C8A: variants seen among roughly 807,000 people sequenced by gnomAD.
C8A encodes complement component C8 alpha chain.
C8A carries 67 observed loss-of-function variants against 65.3 expected under a neutral mutation model. The observed-to-expected ratio is 1.03, with a 90% CI of 0.84 to 1.26. The LOEUF is 1.26. Among genes scored for constraint, C8A ranks in the 50% most tolerant of loss-of-function variants. C8A has a pLI of 0.00. For synonymous variants in C8A, 290 were observed against 259.4 expected (o/e 1.12, Z -1.13); for missense variants, 781 against 723.9 (o/e 1.08, Z -0.90).
chr1:56,882,524 TAGA>T lies in C8A; in HGVS notation c.654+897_654+899del, dbSNP rs139486565. 2.6e-3 allele frequency among the ~76,000 whole-genome samples: 395 copies of T among 152,220 alleles called. 2 individuals are homozygous for T. The highest frequency in any genetic ancestry group is 9.1e-3 in the African/African-American group (379 of 41,556). On this transcript the variant is annotated intron_variant, in intron 5 of 10. Transcript: ENST00000361249. The stretch of plus-strand genomic sequence containing the variant: ...AACTAAGTCCAGGCTGCACAACATT[TAGA>T]AGAAGAGATAGATTATACACTTTCT...
At chr1:56,904,069 C>G (rs1644445962) in intron 7 of C8A, among the ~76,000 whole-genome samples, 1 of 152,172 alleles carries the variant, frequency 6.6e-6, no homozygotes, top group Non-Finnish European at 1.5e-5. Context: ...ACACACCTAT[C>G]TGGGCAAGTT....
intron 8 of C8A, among the ~76,000 whole-genome samples, chr1:56,907,326 G>T (rs928739413): frequency 3.9e-5 from 6 of 152,160 alleles, no homozygotes; most frequent in Non-Finnish European, 5.9e-5. Flanking sequence ...CAGGGATGAT[G>T]AAGAAGTTTA....
chr1:56,854,928 G>A lies in C8A; in HGVS notation c.27G>A (p.Leu9=). 1 of 1,613,722 alleles carries A rather than the reference G, an allele frequency of 6.2e-7. No homozygotes were observed. The change falls in exon 1 of 11, where the codon TTG becomes TTA. Residue 9 remains leucine, a synonymous_variant. Coordinates refer to ENST00000361249, the MANE Select transcript of C8A (RefSeq NM_000562.3). ...TGTTTGCTGTTGTTTTCTTCATCTTGTCTTTGATGACTTGTCAGCCTGGGG... is the reference window on the plus strand; with the variant it reads ...TGTTTGCTGTTGTTTTCTTCATCTTATCTTTGATGACTTGTCAGCCTGGGG... MFAVVFFI[L]SLMTCQPGVT...
intron 4 of C8A, among the ~76,000 whole-genome samples, chr1:56,878,807 A>G (rs1406700738): frequency 6.6e-6 from 1 of 152,150 alleles, no homozygotes; most frequent in Non-Finnish European, 1.5e-5. Context: ...AGATACTTCC[A>G]GATTATGTAA....
Position 56,917,719 on chromosome 1 carries a change from G to T in C8A, c.*3G>T. 4 of 1,613,980 alleles carry T rather than the reference G, an allele frequency of 2.5e-6. No homozygotes were observed. The highest frequency in any genetic ancestry group is 3.4e-6 in the Non-Finnish European group (4 of 1,180,024). ...AAGTACAGACGCAGGCTTGCTGAGG[G>T]CCTCTGGACACAGGCTGGACCAGAT... On this transcript the variant is annotated 3_prime_UTR_variant, in exon 11 of 11. Coordinates refer to ENST00000361249, the MANE Select transcript of C8A (RefSeq NM_000562.3).
chr1:56,898,931 C>T (rs905046434), intron 7 of C8A, among the ~76,000 whole-genome samples: 1 of 152,122 alleles, frequency 6.6e-6, no homozygotes, highest in Non-Finnish European at 1.5e-5. Context: ...GTAAAAGGTC[C>T]TATGTTCATG....
At chr1:56,873,453 T>C (rs1443205712) in intron 2 of C8A, among the ~76,000 whole-genome samples, 3 of 152,144 alleles carry the variant, frequency 2.0e-5, no homozygotes, top group Non-Finnish European at 4.4e-5. Flanking sequence ...ATCTGGGCCC[T>C]GAACCCAAGT....
intron 7 of C8A, among the ~76,000 whole-genome samples, chr1:56,892,488 T>C (rs1280720589): frequency 6.6e-6 from 1 of 152,074 alleles, no homozygotes; most frequent in East Asian, 1.9e-4. Flanking sequence ...TTCAGCCGCC[T>C]TTACTGGGAC....
In C8A at chr1:56,912,456, C is replaced by T; in HGVS notation, c.1434C>T (p.Ala478=). The change falls in exon 10 of 11, where the codon GCC becomes GCT. Residue 478 remains alanine (A), a synonymous_variant. Coordinates refer to ENST00000361249, the MANE Select transcript of C8A (RefSeq NM_000562.3). ...ACACAAGCCTGGGGCCTCTGGAGGC[C>T]AAGCGCCAGAACCTGCGCCGCGCCT... ...LRHTSLGPLE[A]KRQNLRRALD... 1 of 1,614,238 alleles carries T rather than the reference C, an allele frequency of 6.2e-7. No homozygotes were observed. Among genetic ancestry groups the T allele is most frequent in the African/African-American group, 1.3e-5 (1 of 75,068 alleles).
At chr1:56,882,427 A>C (rs1644255282) in intron 5 of C8A, among the ~76,000 whole-genome samples, 1 of 152,160 alleles carries the variant, frequency 6.6e-6, no homozygotes. Flanking sequence ...AGAAACACAA[A>C]GGGTTAAAGT....
At chr1:56,915,767 A>G (rs1263000629) in intron 10 of C8A, among the ~76,000 whole-genome samples, 3 of 152,212 alleles carry the variant, frequency 2.0e-5, no homozygotes, top group African/African-American at 7.2e-5. Flanking sequence ...TGAAAGAGAC[A>G]GGATTTGGAC....
chr1:56,913,639 C>T (rs1231970091), intron 10 of C8A, among the ~76,000 whole-genome samples: 1 of 150,770 alleles, frequency 6.6e-6, no homozygotes, highest in East Asian at 1.9e-4. Context: ...TAAGCTCCCA[C>T]TTTTTCAGGC....
chr1:56,875,042 A>G lies in C8A; in HGVS notation c.265A>G (p.Thr89Ala). ...TCAAGCCAGCTGCTCCAGTTCTACA[A>G]CTTGTGTAAGGCAAGCACAGTGTGG... is the stretch of plus-strand genomic sequence containing the variant. ...WDQASCSSST[T>A]CVRQAQCGQD... is the part of the protein sequence containing the mutation. Residue 89 changes from threonine to alanine, a missense_variant, in exon 3 of 11, where the codon ACT becomes GCT. Thr to Ala is a moderately conservative substitution (Grantham distance 58). Transcript: ENST00000361249. 3.1e-6 allele frequency: 5 copies of G among 1,613,754 alleles called. No homozygotes were observed. Among genetic ancestry groups the G allele is most frequent in the Non-Finnish European group, 4.2e-6 (5 of 1,179,810 alleles).
At chr1:56,860,005 G>A (rs1644016473) in intron 1 of C8A, among the ~76,000 whole-genome samples, 1 of 152,222 alleles carries the variant, frequency 6.6e-6, no homozygotes. Context: ...GGAGGCTGCA[G>A]GGAGCCGAGA....
chr1:56,895,830 T>A (rs965650590), intron 7 of C8A, among the ~76,000 whole-genome samples: 1 of 151,986 alleles, frequency 6.6e-6, no homozygotes, highest in African/African-American at 2.4e-5. Context: ...GTGCCTGTAG[T>A]CCCGGCTACT....
chr1:56,888,142 C>T (rs1644315862), intron 7 of C8A, among the ~76,000 whole-genome samples: 1 of 152,040 alleles, frequency 6.6e-6, no homozygotes, highest in Admixed American at 6.6e-5. Context: ...AAAAAAATTT[C>T]CAAATGTTAG....
chr1:56,881,641 C>G lies in C8A; in HGVS notation c.654+7C>G. The G allele has an allele frequency of 4.3e-6, 7 of 1,612,246 alleles. No homozygotes were observed. The highest frequency in any genetic ancestry group is 5.9e-6 in the Non-Finnish European group (7 of 1,179,382). On this transcript the variant is annotated splice_region_variant and intron_variant, in intron 5 of 10. Transcript: ENST00000361249. The stretch of plus-strand genomic sequence containing the variant: ...TCTGAAGTACCACTTTGAAGTAAGT[C>G]TGAACAGAGGGGCTCTGAGGCCACT...
intron 7 of C8A, among the ~76,000 whole-genome samples, chr1:56,889,230 A>G (rs937192984): frequency 1.3e-5 from 2 of 152,194 alleles, no homozygotes; most frequent in Non-Finnish European, 1.5e-5. Context: ...TTGCTTTTCT[A>G]TAAATATGGA....
chr1:56,891,109 G>A (rs1644341461), intron 7 of C8A, among the ~76,000 whole-genome samples: 1 of 152,092 alleles, frequency 6.6e-6, no homozygotes, highest in Admixed American at 6.6e-5. Flanking sequence ...AGGGGGTGAG[G>A]GAAGATATTC....
Sources: allele counts gnomAD v4.1 joint callset (sites outside exome capture counted in the v4.1 genomes callset), GRCh38; gene constraint gnomAD v4.1.1; transcripts MANE v1.5; gene names NCBI Gene and HGNC (gene_info 2026-07-23, HGNC 2026-07-21).